Variants in NPLOC4 observed in about 807,000 individuals in gnomAD.
NPLOC4 encodes nuclear protein localization protein 4 homolog.
NPLOC4 carries 18 observed loss-of-function variants against 80.6 expected under a neutral mutation model. The ratio of observed to expected loss-of-function variants is 0.22; its 90% CI spans 0.15 to 0.33. The LOEUF is 0.33. Ranked by LOEUF, NPLOC4 falls within the 10% of genes least tolerant of loss-of-function variation. The pLI is 1.00. For missense variants in NPLOC4, 540 were observed against 786.1 expected, an observed-to-expected ratio of 0.69 and a Z score of 3.74; for synonymous variants, 313 against 301.5, an observed-to-expected ratio of 1.04 and a Z score of -0.39.
At chr17:81,628,704 A>T (rs1031812152) in intron 2 of NPLOC4, among the ~76,000 whole-genome samples, 4 of 152,152 alleles carry the variant, frequency 2.6e-5, no homozygotes, top group African/African-American at 9.7e-5. Flanking sequence ...ATAAGGAAGA[A>T]ACTGTGAAGA....
chr17:81,589,716 A>G (rs2034684310), intron 11 of NPLOC4, among the ~76,000 whole-genome samples: 1 of 151,890 alleles, frequency 6.6e-6, no homozygotes, highest in South Asian at 2.1e-4. Flanking sequence ...GAAAAAAAGA[A>G]AAGAAAAGGC....
At chr17:81,622,319 A>C in intron 2 of NPLOC4, 41 bp from the exon 3 acceptor site, 1 of 1,401,576 alleles carries the variant, frequency 7.1e-7, no homozygotes, top group Non-Finnish European at 1.0e-6. Flanking sequence ...ATGAAATGCT[A>C]AAGTATCACT....
intron 3 of NPLOC4, among the ~76,000 whole-genome samples, chr17:81,616,745 A>G (rs901159328): frequency 6.6e-6 from 1 of 151,002 alleles, no homozygotes; most frequent in Admixed American, 6.6e-5. Flanking sequence ...AAAAAAAAAG[A>G]GTAACACACT....
At chr17:81,600,266 T>C (rs7214251) in intron 9 of NPLOC4, 75 bp downstream of exon 9, 133,154 of 1,064,652 alleles carry the variant, frequency 0.13, 9,516 homozygotes, top group Admixed American at 0.27. Flanking sequence ...CCGGCCACTC[T>C]CCCAACTCCC....
intron 1 of NPLOC4, among the ~76,000 whole-genome samples, chr17:81,635,696 C>T (rs1435976846): frequency 2.0e-5 from 3 of 151,930 alleles, no homozygotes; most frequent in African/African-American, 4.8e-5. Context: ...TGTGAGTCAC[C>T]GCGCCGGGCC....
intron 16 of NPLOC4, chr17:81,565,183 G>C (rs1367410882): frequency 1.6e-6 from 1 of 613,454 alleles, no homozygotes; most frequent in African/African-American, 1.9e-5. Flanking sequence ...CTTCCATAAA[G>C]TTTCTGATTC....
intron 11 of NPLOC4, among the ~76,000 whole-genome samples, chr17:81,591,447 G>GAAAACAAAAAAAA (rs2034737707): frequency 1.3e-5 from 1 of 76,326 alleles, no homozygotes; most frequent in Non-Finnish European, 2.4e-5. Flanking sequence ...GAGTAAAACA[G>GAAAACAAAAAAAA]AAAAAAAAAA....
rs182445794 is a variant in NPLOC4 at position 81,613,592 on chromosome 17, C to T, written c.210-98G>A. 1,125 of 1,050,542 alleles carry T rather than the reference C, an allele frequency of 1.1e-3. 1 individual carries two copies. The highest frequency in any genetic ancestry group is 2.2e-3 in the Middle Eastern group (7 of 3,204). The allele number at this position is 1,050,542 out of a possible 1,614,324, so 65.1% of individuals were successfully genotyped here. On this transcript the variant is annotated intron_variant, in intron 3 of 16. Transcript: ENST00000331134. ...CTGCAAAAAGCAAATGCCAACCACCCCTGTAGGCCTAAACAATGAGGTTTC... is the reference window on the plus strand; with the variant it reads ...CTGCAAAAAGCAAATGCCAACCACCTCTGTAGGCCTAAACAATGAGGTTTC...
chr17:81,568,245 G>C (rs1244104858), intron 14 of NPLOC4, among the ~76,000 whole-genome samples: 5 of 152,156 alleles, frequency 3.3e-5, no homozygotes, highest in African/African-American at 1.2e-4. Flanking sequence ...TCTCCATCTA[G>C]GGCAGCAAGA....
At chr17:81,589,823 C>T (rs2034688211) in intron 11 of NPLOC4, among the ~76,000 whole-genome samples, 1 of 150,542 alleles carries the variant, frequency 6.6e-6, no homozygotes, top group South Asian at 2.1e-4. Flanking sequence ...CATAGTGAGA[C>T]CCTATCTTTA....
At chr17:81,613,557 A>C (rs542566015) in intron 3 of NPLOC4, 63 bp from the exon 4 acceptor site, 1 of 1,505,790 alleles carries the variant, frequency 6.6e-7, no homozygotes, top group South Asian at 1.3e-5. Context: ...TGGAAGCCCA[A>C]CTTGGATATC....
chr17:81,577,976 C>G lies in NPLOC4; in HGVS notation c.1282-5888G>C, dbSNP rs2034345657. Reference sequence around the variant, plus strand: ...TGGGTCTTCTACAGCGGGGACCTCCCCTGCCCACCCCATCCGGCTGTCAGC... The same window carrying G: ...TGGGTCTTCTACAGCGGGGACCTCCGCTGCCCACCCCATCCGGCTGTCAGC... On this transcript the variant is annotated intron_variant, in intron 12 of 16. Coordinates refer to ENST00000331134, the MANE Select transcript of NPLOC4 (RefSeq NM_017921.4). The surrounding 1 kb of genome is among the most constrained non-coding windows in gnomAD (Gnocchi z 4.3). Among the ~76,000 whole-genome samples, 1 of 152,222 alleles carries G rather than the reference C, an allele frequency of 6.6e-6. No individual in the cohort carries two copies.
intron 4 of NPLOC4, 191 bp downstream of exon 4, chr17:81,613,127 T>TAAAAA (rs56233095): frequency 1.4e-3 from 581 of 425,830 alleles, no homozygotes; most frequent in East Asian, 3.2e-3. Context: ...GATAAAAAGC[T>TAAAAA]AAAAAAAAAA....
chr17:81,613,950 C>T lies in NPLOC4; in HGVS notation c.210-456G>A, dbSNP rs141951243. 9.9e-3 allele frequency among the ~76,000 whole-genome samples: 1,505 copies of T among 152,188 alleles called. 12 individuals carry two copies. Among genetic ancestry groups the T allele is most frequent in the Middle Eastern group, 0.017 (5 of 294 alleles). On this transcript the variant is annotated intron_variant, in intron 3 of 16. Transcript: ENST00000331134. The stretch of plus-strand genomic sequence containing the variant: ...CTCGGCGTTCACATACACACGTAAG[C>T]ACAGACACGCATAGGAGCTGTCACT...
In NPLOC4 at chr17:81,579,899, C is replaced by T. The variant is rs192608548; in HGVS notation, c.1282-7811G>A. On this transcript the variant is annotated intron_variant, in intron 12 of 16. Coordinates refer to ENST00000331134, the MANE Select transcript of NPLOC4 (RefSeq NM_017921.4). ...CCCCCATTCTCCTCTGTGAGCTCAC[C>T]CCCCATTCTCCTCTGTGAGCTCACT... is the stretch of plus-strand genomic sequence containing the variant. Among the ~76,000 whole-genome samples, 30 of 133,416 alleles carry T rather than the reference C, an allele frequency of 2.2e-4. No homozygotes were observed. In the East Asian group the frequency reaches 4.3e-3, roughly 19 times the overall value. 87.5% of individuals were successfully genotyped at this position (133,416 alleles called of 152,430 possible).
intron 3 of NPLOC4, 86 bp downstream of exon 3, chr17:81,622,080 A>C: frequency 1.1e-6 from 1 of 886,918 alleles, no homozygotes; most frequent in Non-Finnish European, 1.9e-6. Flanking sequence ...TGTGATGAGG[A>C]AAGAGGATAA....
chr17:81,635,116 C>T (rs909672327), intron 1 of NPLOC4, among the ~76,000 whole-genome samples: 6 of 151,604 alleles, frequency 4.0e-5, no homozygotes, highest in Admixed American at 6.6e-5. Context: ...CCAAGGCGGG[C>T]GGATCACGAG....
At chr17:81,612,187 T>C (rs923228376) in intron 4 of NPLOC4, among the ~76,000 whole-genome samples, 5 of 152,078 alleles carry the variant, frequency 3.3e-5, no homozygotes, top group Admixed American at 2.0e-4. Flanking sequence ...AGGAGAGGTA[T>C]GCTGGTTTAC....
intron 2 of NPLOC4, among the ~76,000 whole-genome samples, chr17:81,622,564 T>G (rs190674972): frequency 7.2e-5 from 11 of 152,140 alleles, no homozygotes; most frequent in African/African-American, 2.6e-4. Context: ...TATCCTTGTT[T>G]TGTTTTCAGA....
Sources: allele counts gnomAD v4.1 joint callset (sites outside exome capture counted in the v4.1 genomes callset), GRCh38; gene constraint gnomAD v4.1.1; non-coding constraint Gnocchi (gnomAD v3.1); transcripts MANE v1.5; gene names NCBI Gene and HGNC (gene_info 2026-07-23, HGNC 2026-07-21).